Variants in ZMIZ1 observed in about 807,000 individuals in gnomAD.
The protein encoded by ZMIZ1 is zinc finger MIZ-type containing 1, also known as zinc finger MIZ domain-containing protein 1.
ZMIZ1 carries 17 observed loss-of-function variants against 113.9 expected under a neutral mutation model. The ratio of observed to expected loss-of-function variants is 0.15; its 90% CI spans 0.10 to 0.22. The LOEUF is 0.22. Ranked by LOEUF, ZMIZ1 falls within the 10% of genes least tolerant of loss-of-function variation. The pLI is 1.00. For missense variants in ZMIZ1, 1,059 were observed against 1,477.8 expected (o/e 0.72, Z 4.65); for synonymous variants, 607 against 603.1 (o/e 1.01, Z -0.09).
At chr10:79,149,208 C>G (rs553403552) in intron 3 of ZMIZ1, among the ~76,000 whole-genome samples, 2 of 152,222 alleles carry the variant, frequency 1.3e-5, no homozygotes, top group Admixed American at 6.5e-5. Flanking sequence ...CCCAGGCAGG[C>G]CCACACCCCC....
intron 4 of ZMIZ1, among the ~76,000 whole-genome samples, chr10:79,181,974 TGGAGGA>T (rs946005528): frequency 5.9e-5 from 9 of 151,962 alleles, no homozygotes; most frequent in African/African-American, 2.2e-4. Context: ...GAGTCTGAAC[TGGAGGA>T]GGAGGAGGAG....
At chr10:79,279,746 C>T (rs1449204951) in intron 8 of ZMIZ1, among the ~76,000 whole-genome samples, 4 of 152,174 alleles carry the variant, frequency 2.6e-5, no homozygotes, top group African/African-American at 4.8e-5. Flanking sequence ...AGATCACTCA[C>T]GGTCAGGAGC....
intron 3 of ZMIZ1, among the ~76,000 whole-genome samples, chr10:79,145,224 A>T (rs1845431058): frequency 6.6e-6 from 1 of 150,586 alleles, no homozygotes; most frequent in African/African-American, 2.4e-5. Context: ...GTCTTTCTCC[A>T]CTGACAAGAC....
In ZMIZ1 at chr10:79,306,363, G is replaced by A. The variant is rs1854697235; in HGVS notation, c.2668+19G>A. On this transcript the variant is annotated intron_variant, in intron 22 of 24. Transcript: ENST00000334512. ...AGCCAAGGTGGGTGATGCCAGGCAG[G>A]GAGGAAGGGAGAAGGAGGGCAGCCC... 1 of 1,603,628 alleles carries A rather than the reference G, an allele frequency of 6.2e-7. No homozygotes were observed. The highest frequency in any genetic ancestry group is 8.5e-7 in the Non-Finnish European group (1 of 1,179,084).
At chr10:79,289,993 C>A in intron 9 of ZMIZ1, 104 bp downstream of exon 9, 1 of 1,158,498 alleles carries the variant, frequency 8.6e-7, no homozygotes, top group Non-Finnish European at 1.2e-6. Flanking sequence ...CCTTGCCCTG[C>A]TGGAAAGACC....
chr10:79,228,883 A>C (rs1381312752), intron 7 of ZMIZ1, among the ~76,000 whole-genome samples: 2 of 152,204 alleles, frequency 1.3e-5, no homozygotes, highest in Non-Finnish European at 2.9e-5. Flanking sequence ...TCCATGCTAT[A>C]TGTATCCCCG....
At chr10:79,301,991 G>A in intron 17 of ZMIZ1, 116 bp from the exon 18 acceptor site, 1 of 977,306 alleles carries the variant, frequency 1.0e-6, no homozygotes, top group Non-Finnish European at 1.6e-6. Context: ...ACACCCTGGG[G>A]GAGCCTCCTG....
At position 79,238,144 on chromosome 10, in the gene ZMIZ1, G is replaced by A. The variant is rs540713930; in HGVS notation, c.280+21870G>A. Among the ~76,000 whole-genome samples the A allele has an allele frequency of 1.1e-4, 16 of 152,126 alleles. No homozygotes were observed. In the East Asian group the frequency reaches 2.1e-3, roughly 20 times the overall value. On this transcript the variant is annotated intron_variant, in intron 7 of 24. Transcript: ENST00000334512. Reference sequence around the variant, plus strand: ...AATGATCATTTTGTGTCTGGTTCACGTGCCCCCTCCCCTCAGAATCCTCTC... The same window carrying A: ...AATGATCATTTTGTGTCTGGTTCACATGCCCCCTCCCCTCAGAATCCTCTC...
At chr10:79,115,735 C>T (rs909444883) in intron 1 of ZMIZ1, among the ~76,000 whole-genome samples, 1 of 152,176 alleles carries the variant, frequency 6.6e-6, no homozygotes, top group African/African-American at 2.4e-5. Flanking sequence ...GGCGAGAGGC[C>T]CTTAGAGGGG....
At chr10:79,173,973 C>T (rs1846709256) in intron 4 of ZMIZ1, among the ~76,000 whole-genome samples, 1 of 152,194 alleles carries the variant, frequency 6.6e-6, no homozygotes, top group Non-Finnish European at 1.5e-5. Context: ...TCTTGGAGGG[C>T]ATGTCAGAAT....
At chr10:79,169,616 A>G (rs1236482733) in intron 4 of ZMIZ1, among the ~76,000 whole-genome samples, 1 of 152,198 alleles carries the variant, frequency 6.6e-6, no homozygotes, top group African/African-American at 2.4e-5. Context: ...TTGCTCATGT[A>G]AATTCAGTGT....
intron 19 of ZMIZ1, 152 bp from the exon 20 acceptor site, chr10:79,305,012 G>A (rs113182676): frequency 3.9e-5 from 32 of 811,946 alleles, no homozygotes; most frequent in African/African-American, 1.7e-4. Context: ...CAGAAAGGTA[G>A]CATTGCTTTC....
intron 1 of ZMIZ1, among the ~76,000 whole-genome samples, chr10:79,084,064 C>T (rs1842736402): frequency 6.6e-6 from 1 of 152,194 alleles, no homozygotes; most frequent in Non-Finnish European, 1.5e-5. Flanking sequence ...CCACTCTATG[C>T]ACCATAGTTT....
intron 3 of ZMIZ1, among the ~76,000 whole-genome samples, chr10:79,152,590 T>C (rs1351395304): frequency 6.6e-6 from 1 of 152,234 alleles, no homozygotes; most frequent in Non-Finnish European, 1.5e-5. Flanking sequence ...TTGAAAGCTC[T>C]AGTCTGGATG....
intron 1 of ZMIZ1, among the ~76,000 whole-genome samples, chr10:79,099,487 A>C (rs757275952): frequency 2.0e-5 from 3 of 152,190 alleles, no homozygotes; most frequent in Admixed American, 6.5e-5. Context: ...AGGAAAGAAG[A>C]AGCAATCTTG....
intron 4 of ZMIZ1, among the ~76,000 whole-genome samples, chr10:79,197,341 G>T (rs1004786000): frequency 6.6e-6 from 1 of 152,178 alleles, no homozygotes; most frequent in African/African-American, 2.4e-5. Context: ...GGGTCCTTTG[G>T]CTCTGATGGG....
At chr10:79,227,227 G>A (rs1357049856) in intron 7 of ZMIZ1, among the ~76,000 whole-genome samples, 2 of 152,186 alleles carry the variant, frequency 1.3e-5, no homozygotes, top group African/African-American at 4.8e-5. Flanking sequence ...TGAACTGCTT[G>A]CAAGTGGAGG....
intron 7 of ZMIZ1, among the ~76,000 whole-genome samples, chr10:79,274,227 C>T (rs1852123384): frequency 6.6e-6 from 1 of 152,244 alleles, no homozygotes; most frequent in African/African-American, 2.4e-5. Flanking sequence ...GCTCTGCGCA[C>T]ACCACACCAG....
chr10:79,301,566 T>G (rs1854301542), intron 17 of ZMIZ1, among the ~76,000 whole-genome samples: 1 of 151,962 alleles, frequency 6.6e-6, no homozygotes, highest in Admixed American at 6.5e-5. Context: ...TGTGGAGGCA[T>G]GGAGAAGGAA....
Sources: allele counts gnomAD v4.1 joint callset (sites outside exome capture counted in the v4.1 genomes callset), GRCh38; gene constraint gnomAD v4.1.1; transcripts MANE v1.5; gene names NCBI Gene and HGNC (gene_info 2026-07-23, HGNC 2026-07-21).